Variants in CAST observed in about 807,000 individuals in gnomAD.
CAST encodes MIR583 host.
Under a neutral mutation model 119.6 loss-of-function variants are expected in CAST, and 76 were observed. The ratio of observed to expected loss-of-function variants is 0.64; its 90% CI spans 0.53 to 0.77. CAST has a LOEUF of 0.77. Among genes scored for constraint, CAST ranks in the 30% least tolerant of loss-of-function variants. The pLI, the probability that CAST is intolerant of heterozygous loss-of-function variation, is 0.00. For missense variants in CAST, 953 were observed against 946.5 expected (o/e 1.01, Z -0.09); for synonymous variants, 319 against 331.6 (o/e 0.96, Z 0.41).
At chr5:96,754,952 A>G in intron 22 of CAST, 1 of 372,244 alleles carries the variant, frequency 2.7e-6, no homozygotes, top group Non-Finnish European at 4.9e-6. Flanking sequence ...AGTGAAAGAA[A>G]TCTAATGTCT....
the CAST span, among the ~76,000 whole-genome samples, chr5:96,151,766 A>C: frequency 1.3e-5 from 2 of 152,340 alleles, no homozygotes; most frequent in East Asian, 3.9e-4. Flanking sequence ...CAGGGCACTG[A>C]GTTAAAGTCT....
chr5:96,727,352 T>C, intron 5 of CAST, 137 bp from the exon 6 acceptor site: 1 of 524,778 alleles, frequency 1.9e-6, no homozygotes. Context: ...CAAACTTAAC[T>C]GATAATGTTT....
At chr5:96,398,810 G>T in the CAST span, 1 of 1,207,318 alleles carries the variant, frequency 8.3e-7, no homozygotes, top group Non-Finnish European at 1.2e-6. Flanking sequence ...ATAAACAAAA[G>T]CAATCAGTTA....
rs549534741 is a variant in CAST, at chr5:96,771,121, C to T, written c.2340+519C>T. Among the ~76,000 whole-genome samples, 4 of 152,278 alleles carry T rather than the reference C, an allele frequency of 2.6e-5. No individual in the cohort carries two copies. In the South Asian group the frequency reaches 6.2e-4, roughly 24 times the overall value. On this transcript the variant is annotated intron_variant, in intron 30 of 31. Coordinates refer to ENST00000675179, the MANE Select transcript of CAST (RefSeq NM_001750.7). Reference sequence around the variant, plus strand: ...AGCTTTTAAAACAATATATTAAAATCTTCCTGTAGTAGATTCCCTTAAGGG... The same window carrying T: ...AGCTTTTAAAACAATATATTAAAATTTTCCTGTAGTAGATTCCCTTAAGGG...
At chr5:96,188,656 A>G in the CAST span, among the ~76,000 whole-genome samples, 1 of 152,126 alleles carries the variant, frequency 6.6e-6, no homozygotes. Flanking sequence ...TCCATCAGCT[A>G]TACCTTTTCT....
At chr5:96,454,191 G>A in the CAST span, among the ~76,000 whole-genome samples, 9 of 152,028 alleles carry the variant, frequency 5.9e-5, no homozygotes, top group Non-Finnish European at 7.4e-5. Context: ...ACCCTACTAC[G>A]TGGTAGCCGT....
At chr5:96,469,865 G>GTGTA in the CAST span, among the ~76,000 whole-genome samples, 2,355 of 129,230 alleles carry the variant, frequency 0.018, 71 homozygotes, top group African/African-American at 0.071. Context: ...ATATGTGTGT[G>GTGTA]TATATATATA....
chr5:96,411,020 A>G, the CAST span: 1 of 1,449,250 alleles, frequency 6.9e-7, no homozygotes, highest in Non-Finnish European at 9.7e-7. Flanking sequence ...ATTATCTGTT[A>G]TCATCTATTG....
At chr5:95,989,311 T>C in the CAST span, among the ~76,000 whole-genome samples, 3 of 152,208 alleles carry the variant, frequency 2.0e-5, no homozygotes, top group Non-Finnish European at 2.9e-5. Flanking sequence ...GAGCATGATA[T>C]ATCTTTTGGG....
chr5:96,551,539 C>T (rs1017139779), intron 1 of CAST, among the ~76,000 whole-genome samples: 18 of 152,026 alleles, frequency 1.2e-4, no homozygotes, highest in Admixed American at 5.2e-4. Flanking sequence ...GCTAGCATCA[C>T]AATGAAAGGA....
the CAST span, among the ~76,000 whole-genome samples, chr5:96,261,529 G>T: frequency 2.0e-5 from 3 of 152,150 alleles, no homozygotes; most frequent in Non-Finnish European, 4.4e-5. Flanking sequence ...TTTGACCCAA[G>T]AGCAGGATTT....
At chr5:96,591,276 C>A (rs1020182637) in intron 1 of CAST, among the ~76,000 whole-genome samples, 2 of 152,158 alleles carry the variant, frequency 1.3e-5, no homozygotes, top group South Asian at 2.1e-4. Flanking sequence ...TGGCTGCCTG[C>A]AAAACACAGA....
the CAST span, among the ~76,000 whole-genome samples, chr5:95,973,830 T>C: frequency 6.6e-6 from 1 of 152,160 alleles, no homozygotes. Flanking sequence ...TCCAAGCAAA[T>C]GGATTATTTC....
the CAST span, among the ~76,000 whole-genome samples, chr5:96,119,506 G>T: frequency 1.3e-5 from 2 of 152,194 alleles, no homozygotes; most frequent in South Asian, 2.1e-4. Flanking sequence ...GGAAGGTCTG[G>T]GGCTCATATC....
chr5:96,768,299 G>T, intron 29 of CAST: 2 of 410,368 alleles, frequency 4.9e-6, no homozygotes, highest in South Asian at 2.0e-5. Context: ...TGCCAGGCTG[G>T]TCTCGAGCTC....
chr5:95,962,629 TG>T, the CAST span, among the ~76,000 whole-genome samples: 1 of 152,194 alleles, frequency 6.6e-6, no homozygotes, highest in African/African-American at 2.4e-5. Flanking sequence ...TTTCGTATGG[TG>T]GGCATGGTAT....
chr5:96,371,428 C>T, the CAST span, among the ~76,000 whole-genome samples: 2 of 152,202 alleles, frequency 1.3e-5, no homozygotes, highest in African/African-American at 4.8e-5. Flanking sequence ...AGAGGCTTAG[C>T]ATATTCACAT....
the CAST span, among the ~76,000 whole-genome samples, chr5:96,224,031 A>T: frequency 1.3e-5 from 2 of 152,324 alleles, no homozygotes; most frequent in African/African-American, 2.4e-5. Context: ...ATAAAAAGGT[A>T]AAGAAAGGAG....
chr5:96,169,253 C>T, the CAST span, among the ~76,000 whole-genome samples: 1 of 152,110 alleles, frequency 6.6e-6, no homozygotes, highest in Non-Finnish European at 1.5e-5. Context: ...GTCTGTGAAG[C>T]CTTGCAGCAG....
Sources: gnomAD v4.1 joint callset for allele counts (sites outside exome capture counted in the v4.1 genomes callset) on GRCh38, gnomAD v4.1.1 for gene constraint, MANE v1.5 for transcripts, NCBI Gene and HGNC (gene_info 2026-07-23, HGNC 2026-07-21) for gene names.